INTS10: variants seen among roughly 807,000 people sequenced by gnomAD.
INTS10 encodes the protein chromosome 8 open reading frame 35.
A neutral mutation model predicts 94.4 loss-of-function variants in INTS10; 44 were observed. That is an observed-to-expected ratio of 0.47 (90% CI 0.37 to 0.60). The LOEUF (loss-of-function observed/expected upper bound fraction) is 0.60, where lower values mean the gene tolerates loss of function less well. Among genes scored for constraint, INTS10 ranks in the 20% least tolerant of loss-of-function variants. The probability of loss-of-function intolerance (pLI) is 0.00; values close to 1 mark genes in which losing one functional copy is unlikely to be tolerated. For missense variants in INTS10, 797 were observed against 868.7 expected, an observed-to-expected ratio of 0.92 and a Z score of 1.04; for synonymous variants, 341 against 320.7, an observed-to-expected ratio of 1.06 and a Z score of -0.68.
chr8:19,843,951 T>G lies in INTS10; in HGVS notation c.1720-125T>G. On this transcript the variant is annotated intron_variant, in intron 14 of 16. Coordinates refer to ENST00000397977, the MANE Select transcript of INTS10 (RefSeq NM_018142.4). This position sits in a 1 kb window ranked among gnomAD's most constrained non-coding sequence, Gnocchi z 4.7. ...TTTCGTTGTGCCTTTGTTTCCTTCT[T>G]ACTCTAATGACGTTTATCACACATT... 1 of 667,284 alleles carries G rather than the reference T, an allele frequency of 1.5e-6. No homozygotes were observed. The highest frequency in any genetic ancestry group is 2.5e-6 in the Non-Finnish European group (1 of 404,474). The allele number at this position is 667,284 out of a possible 1,614,324, so 41.3% of individuals were successfully genotyped here.
Position 19,817,467 on chromosome 8 carries a change from C to G in INTS10, c.-71C>G. On this transcript the variant is annotated 5_prime_UTR_variant, in exon 1 of 17. Transcript: ENST00000397977. Reference sequence around the variant, plus strand: ...GTGGCGGCGGCGGCGGCGGTGGCTGCCGTGGCGGCTGAGAGTCCAGAGCCG... The same window carrying G: ...GTGGCGGCGGCGGCGGCGGTGGCTGGCGTGGCGGCTGAGAGTCCAGAGCCG... 1.3e-6 allele frequency: 2 copies of G among 1,532,352 alleles called. No individual in the cohort carries two copies. Among genetic ancestry groups the G allele is most frequent in the Non-Finnish European group, 1.8e-6 (2 of 1,138,902 alleles). 94.9% of individuals were successfully genotyped at this position (1,532,352 alleles called of 1,614,324 possible).
chr8:19,846,544 C>G lies in INTS10; in HGVS notation c.1976+747C>G, dbSNP rs1255943027. On this transcript the variant is annotated intron_variant, in intron 16 of 16. Transcript: ENST00000397977. The surrounding 1 kb of genome is among the most constrained non-coding windows in gnomAD (Gnocchi z 4.2). ...TTTTATTTATAAACTACCTATGAAG[C>G]CCTCCTATGCAGTCCTCATGACTTA... 1.3e-5 allele frequency among the ~76,000 whole-genome samples: 2 copies of G among 152,096 alleles called. No individual in the cohort carries two copies. The highest frequency in any genetic ancestry group is 6.6e-5 in the Admixed American group (1 of 15,262).
chr8:19,851,577 C>A lies in INTS10; in HGVS notation c.1977-72C>A. The A allele has an allele frequency of 7.0e-7, 1 of 1,420,458 alleles. No homozygotes were observed. The highest frequency in any genetic ancestry group is 9.9e-7 in the Non-Finnish European group (1 of 1,010,190). 88.0% of individuals were successfully genotyped at this position (1,420,458 alleles called of 1,614,324 possible). A position where few individuals can be genotyped will look rare whatever the true frequency, so the allele number is the denominator to read the frequency against. ...AGATATGGGGCAGGCTTTATTCCTA[C>A]CCAAGTAGCAGCGATCAGCGATGCT... On this transcript the variant is annotated intron_variant, in intron 16 of 16. Transcript: ENST00000397977. The surrounding 1 kb of genome is among the most constrained non-coding windows in gnomAD (Gnocchi z 5.0).
chr8:19,837,950 G>A (rs1359390144), intron 13 of INTS10, among the ~76,000 whole-genome samples: 1 of 151,940 alleles, frequency 6.6e-6, no homozygotes, highest in Admixed American at 6.6e-5. Flanking sequence ...CAAAAGGACA[G>A]TAAAGGAATA....
rs1013410791 is a variant in INTS10, at chr8:19,846,617, A to G, written c.1976+820A>G. ...CCAGGTATAGTGCCTCTAAGAACACACCTGTCCCAAGAAATGATGGTGGGA... is the reference window on the plus strand; with the variant it reads ...CCAGGTATAGTGCCTCTAAGAACACGCCTGTCCCAAGAAATGATGGTGGGA... On this transcript the variant is annotated intron_variant, in intron 16 of 16. Transcript: ENST00000397977. The surrounding 1 kb of genome is among the most constrained non-coding windows in gnomAD (Gnocchi z 4.2). Among the ~76,000 whole-genome samples, 1 of 152,196 alleles carries G rather than the reference A, an allele frequency of 6.6e-6. No homozygotes were observed. Among genetic ancestry groups the G allele is most frequent in the Non-Finnish European group, 1.5e-5 (1 of 68,032 alleles).
At chr8:19,818,144 G>A in intron 1 of INTS10, 131 bp from the exon 2 acceptor site, 1 of 855,972 alleles carries the variant, frequency 1.2e-6, no homozygotes, top group Non-Finnish European at 2.0e-6. Flanking sequence ...CATGTATGTG[G>A]CGCTGTGTCA....
chr8:19,819,589 G>C lies in INTS10; in HGVS notation c.214G>C (p.Asp72His), dbSNP rs746277798. 6.2e-7 allele frequency: 1 copy of C among 1,612,186 alleles called. No individual in the cohort carries two copies. The highest frequency in any genetic ancestry group is 2.2e-5 in the East Asian group (1 of 44,836). The change falls in exon 3 of 17, where the codon GAC (aspartate) becomes CAC (histidine). Residue 72 changes from aspartate to histidine, a missense_variant. By Grantham distance (81) the Asp-to-His change is moderately conservative (BLOSUM62 -1). Around this residue, in one of 3 missense-constraint regions of INTS10, gnomAD observed 734 missense variants for 787.8 expected, o/e 0.93. Coordinates refer to ENST00000397977, the MANE Select transcript of INTS10 (RefSeq NM_018142.4). Reference sequence around the variant, plus strand: ...TAAAAATAGGTTTGTGAATTTCCCAGACCAGCCGGTGGTGTGGAGAGAAAT... The same window carrying C: ...TAAAAATAGGTTTGTGAATTTCCCACACCAGCCGGTGGTGTGGAGAGAAAT... ...LLYDMFVNFP[D>H]QPVVWREISI...
intron 16 of INTS10, among the ~76,000 whole-genome samples, chr8:19,850,530 C>T (rs972511360): frequency 3.3e-5 from 5 of 151,974 alleles, no homozygotes; most frequent in Non-Finnish European, 7.4e-5. Flanking sequence ...TTGGTGACTC[C>T]TGTTGTCCTT....
chr8:19,847,436 A>G (rs771169953), intron 16 of INTS10, among the ~76,000 whole-genome samples: 5 of 152,202 alleles, frequency 3.3e-5, no homozygotes, highest in Non-Finnish European at 7.3e-5. Context: ...AAGCCCAGGT[A>G]ACCCCTTTTG....
intron 5 of INTS10, among the ~76,000 whole-genome samples, chr8:19,822,797 A>C (rs2066485539): frequency 6.6e-6 from 1 of 152,068 alleles, no homozygotes; most frequent in Non-Finnish European, 1.5e-5. Context: ...TAAAAATACA[A>C]AAATTAGCTG....
chr8:19,820,223 G>A (rs2066264042), intron 3 of INTS10, among the ~76,000 whole-genome samples, 156 bp from the exon 4 acceptor site: 1 of 152,146 alleles, frequency 6.6e-6, no homozygotes, highest in Non-Finnish European at 1.5e-5. Context: ...GATACTATTG[G>A]CTCCAAAAGG....
chr8:19,842,732 CTG>C lies in INTS10; in HGVS notation c.1640-114_1640-113del, dbSNP rs1447350053. ...TTCAAATATAATTGAAATTGTGTGA[CTG>C]TTGCATATTCTCTTTTTTGTTGTTG... is the stretch of plus-strand genomic sequence containing the variant. On this transcript the variant is annotated intron_variant, in intron 13 of 16. Coordinates refer to ENST00000397977, the MANE Select transcript of INTS10 (RefSeq NM_018142.4). 4.9e-6 allele frequency: 3 copies of C among 607,878 alleles called. No individual in the cohort carries two copies. The African/African-American group carries it at 5.7e-5, about 12-fold the overall frequency. The allele number at this position is 607,878 out of a possible 1,614,324, so 37.7% of individuals were successfully genotyped here.
In INTS10 at chr8:19,820,518, G is replaced by A; in HGVS notation, c.441G>A (p.Gly147=). ...TCCCTGAAACGGTGGTGCAGCATGGGGTGAGATTTGATTCTTCCCCTTCTT... is the reference window on the plus strand; with the variant it reads ...TCCCTGAAACGGTGGTGCAGCATGGAGTGAGATTTGATTCTTCCCCTTCTT... ...RRFPETVVQH[G]VGLGEALLEA... is the part of the protein sequence containing the mutation. Residue 147 remains glycine (G), a splice_region_variant and synonymous_variant, in exon 4 of 17, where the codon GGG becomes GGA. Coordinates refer to ENST00000397977, the MANE Select transcript of INTS10 (RefSeq NM_018142.4). The A allele has an allele frequency of 2.5e-6, 4 of 1,605,850 alleles. No homozygotes were observed. Among genetic ancestry groups the A allele is most frequent in the Non-Finnish European group, 3.4e-6 (4 of 1,174,864 alleles).
In INTS10 at chr8:19,851,953, A is replaced by G; in HGVS notation, c.*148A>G. 1.8e-6 allele frequency: 1 copy of G among 564,096 alleles called. No individual in the cohort carries two copies. The highest frequency in any genetic ancestry group is 3.0e-6 in the Non-Finnish European group (1 of 336,498). The allele number at this position is 564,096 out of a possible 1,614,324, so 34.9% of individuals were successfully genotyped here. A position where few individuals can be genotyped will look rare whatever the true frequency, so the allele number is the denominator to read the frequency against. On this transcript the variant is annotated 3_prime_UTR_variant, in exon 17 of 17. Transcript: ENST00000397977. The surrounding 1 kb of genome is among the most constrained non-coding windows in gnomAD (Gnocchi z 5.0). ...AGTTCTAACTCCTTGGTTGCTTAAA[A>G]GTAGTTCCCAAGAGTCTGAGAAGCT...
intron 10 of INTS10, 101 bp downstream of exon 10, chr8:19,830,660 T>C: frequency 2.7e-6 from 3 of 1,095,918 alleles, no homozygotes; most frequent in Non-Finnish European, 4.0e-6. Context: ...TTGATTACAG[T>C]AGTTCATGCA....
At chr8:19,833,904 G>A (rs1050240044) in intron 12 of INTS10, among the ~76,000 whole-genome samples, 3 of 151,724 alleles carry the variant, frequency 2.0e-5, no homozygotes, top group Non-Finnish European at 2.9e-5. Flanking sequence ...CTACTTGGGA[G>A]ACTGAGGAAG....
Position 19,843,228 on chromosome 8 carries a change from A to C in INTS10, c.1719+301A>C, listed in dbSNP as rs1262729885. Among the ~76,000 whole-genome samples the C allele has an allele frequency of 6.6e-6, 1 of 152,348 alleles. No homozygotes were observed. The highest frequency in any genetic ancestry group is 1.5e-5 in the Non-Finnish European group (1 of 68,036). On this transcript the variant is annotated intron_variant, in intron 14 of 16. Transcript: ENST00000397977. The surrounding 1 kb of genome is among the most constrained non-coding windows in gnomAD (Gnocchi z 4.7). The stretch of plus-strand genomic sequence containing the variant: ...TTTTATCAATATAAATATATTAGCT[A>C]CAAAGAAAGGGAATACAAATTGCGG...
chr8:19,850,916 T>A (rs1397313761), intron 16 of INTS10, among the ~76,000 whole-genome samples: 1 of 152,166 alleles, frequency 6.6e-6, no homozygotes, highest in African/African-American at 2.4e-5. Context: ...CTTCCACACA[T>A]GTGCAGGTCT....
intron 9 of INTS10, among the ~76,000 whole-genome samples, chr8:19,828,937 G>C (rs2067021487): frequency 6.6e-6 from 1 of 152,070 alleles, no homozygotes; most frequent in South Asian, 2.1e-4. Context: ...ACATGCAGCA[G>C]AACAGTGGGG....
Sources: allele counts gnomAD v4.1 joint callset (sites outside exome capture counted in the v4.1 genomes callset), GRCh38; gene constraint gnomAD v4.1.1; regional missense constraint gnomAD v4.1.1; non-coding constraint Gnocchi (gnomAD v3.1); transcripts MANE v1.5; gene names NCBI Gene and HGNC (gene_info 2026-07-23, HGNC 2026-07-21).